The following VPS13C variants were observed in gnomAD, a reference collection of about 807,000 sequenced individuals.
VPS13C encodes the protein intermembrane lipid transfer protein VPS13C.
Under a neutral mutation model 456.8 loss-of-function variants are expected in VPS13C, and 358 were observed. The observed-to-expected ratio is 0.78, with a 90% CI of 0.72 to 0.86. The LOEUF (loss-of-function observed/expected upper bound fraction) is 0.86, where lower values mean the gene tolerates loss of function less well. Among genes scored for constraint, VPS13C ranks in the 40% least tolerant of loss-of-function variants. VPS13C has a pLI of 0.00. For synonymous variants in VPS13C, 1,578 were observed against 1,486.7 expected (o/e 1.06, Z -1.41); for missense variants, 4,818 against 4,385.4 (o/e 1.10, Z -2.79).
At chr15:62,043,063 C>A (rs932910983) in intron 2 of VPS13C, among the ~76,000 whole-genome samples, 2 of 151,674 alleles carry the variant, frequency 1.3e-5, no homozygotes, top group Non-Finnish European at 2.9e-5. Context: ...TTTATATTGT[C>A]ATAAATAGAG....
intron 9 of VPS13C, among the ~76,000 whole-genome samples, chr15:62,015,756 T>C (rs910017641): frequency 1.9e-5 from 2 of 106,512 alleles, no homozygotes; most frequent in African/African-American, 7.4e-5. Context: ...AAGGGGAATA[T>C]CACACTCTGG....
At chr15:61,970,018 A>G (rs531159916) in intron 27 of VPS13C, among the ~76,000 whole-genome samples, 1 of 152,274 alleles carries the variant, frequency 6.6e-6, no homozygotes, top group Non-Finnish European at 1.5e-5. Context: ...AAAGGAACTG[A>G]TACTATAAGG....
chr15:62,001,988 T>C (rs1233696648), intron 15 of VPS13C, among the ~76,000 whole-genome samples: 1 of 152,218 alleles, frequency 6.6e-6, no homozygotes, highest in African/African-American at 2.4e-5. Context: ...TATGTGTGCA[T>C]GTGTCTTTAT....
chr15:61,872,729 C>T (rs1351809054), intron 78 of VPS13C, among the ~76,000 whole-genome samples: 2 of 151,918 alleles, frequency 1.3e-5, no homozygotes, highest in African/African-American at 4.8e-5. Context: ...GTATTCTAGC[C>T]TTACTTATAA....
chr15:62,029,503 T>A (rs1248180191), intron 5 of VPS13C, among the ~76,000 whole-genome samples: 2 of 152,054 alleles, frequency 1.3e-5, no homozygotes, highest in Non-Finnish European at 2.9e-5. Context: ...ATCCTTTAAA[T>A]CCAGTTGAAA....
chr15:61,859,318 G>A (rs1050252692), intron 82 of VPS13C, among the ~76,000 whole-genome samples: 2 of 152,116 alleles, frequency 1.3e-5, no homozygotes, highest in South Asian at 2.1e-4. Flanking sequence ...AATCACGATC[G>A]AGCCACTGCA....
chr15:61,975,959 C>T (rs1186919722), intron 24 of VPS13C, among the ~76,000 whole-genome samples: 4 of 152,006 alleles, frequency 2.6e-5, no homozygotes, highest in African/African-American at 9.7e-5. Context: ...AGATATCCTG[C>T]AGATAGGACC....
intron 16 of VPS13C, among the ~76,000 whole-genome samples, chr15:61,996,900 T>C (rs1052564439): frequency 1.2e-4 from 18 of 149,906 alleles, no homozygotes; most frequent in Non-Finnish European, 2.2e-4. Flanking sequence ...CACACACATA[T>C]ATATATATTA....
chr15:61,956,214 T>C (rs145206983), intron 37 of VPS13C, among the ~76,000 whole-genome samples: 337 of 152,102 alleles, frequency 2.2e-3, no homozygotes, highest in Middle Eastern at 0.01. Context: ...CCTAAGTTAA[T>C]TAGCTCAGCA....
intron 36 of VPS13C, 105 bp from the exon 37 acceptor site, chr15:61,958,821 T>C (rs2045097134): frequency 1.3e-5 from 7 of 557,830 alleles, no homozygotes; most frequent in Non-Finnish European, 2.1e-5. Flanking sequence ...GACAGAATAA[T>C]CCTAACACTG....
At chr15:61,880,108 G>A (rs1201126198) in intron 73 of VPS13C, among the ~76,000 whole-genome samples, 2 of 151,944 alleles carry the variant, frequency 1.3e-5, no homozygotes, top group Non-Finnish European at 2.9e-5. Context: ...ACAACAAAAG[G>A]GAAAAAAGAA....
chr15:61,962,392 A>G lies in VPS13C; in HGVS notation c.3582T>C (p.His1194=). Residue 1194 remains histidine, a synonymous_variant, in exon 34 of 85, where the codon CAT becomes CAC. Transcript: ENST00000644861. ...NVGCIQIVYL[H]KFLMSLLNFL... ...TTACCAGAAGTGACATAAGGAATTTATGAAGATAGACAATCTGAATACAGC... is the reference window on the plus strand; with the variant it reads ...TTACCAGAAGTGACATAAGGAATTTGTGAAGATAGACAATCTGAATACAGC... 1 of 1,590,272 alleles carries G rather than the reference A, an allele frequency of 6.3e-7. No individual in the cohort carries two copies. Among genetic ancestry groups the G allele is most frequent in the South Asian group, 1.2e-5 (1 of 84,606 alleles).
Position 61,920,497 on chromosome 15 carries a change from CT to C in VPS13C, c.7212del (p.Gly2405ValfsTer14), listed in dbSNP as rs1254967697. The C allele has an allele frequency of 1.6e-5, 24 of 1,522,402 alleles. No homozygotes were observed. The highest frequency in any genetic ancestry group is 2.0e-5 in the Non-Finnish European group (23 of 1,135,568). The allele number at this position is 1,522,402 out of a possible 1,614,324, so 94.3% of individuals were successfully genotyped here. A position where few individuals can be genotyped will look rare whatever the true frequency, so the allele number is the denominator to read the frequency against. On this transcript the variant is annotated frameshift_variant and splice_region_variant, in exon 56 of 85. Transcript: ENST00000644861. LOFTEE classifies it high-confidence loss of function. ...ATATTCTAAGCAAGATTCAGACATA[CT>C]TTTGCTAAATTGTTGAAAACATTAA... is the stretch of plus-strand genomic sequence containing the variant. ...SCLNVFNNLAKGFSEGTASTF... is the reference protein window; with the variant it reads ...SCLNVFNNLAXGFSEGTASTF...
chr15:61,985,348 C>A (rs1472957467), intron 18 of VPS13C, among the ~76,000 whole-genome samples: 1 of 152,142 alleles, frequency 6.6e-6, no homozygotes, highest in Non-Finnish European at 1.5e-5. Context: ...CCTCCACCTC[C>A]TGGGTTCAAG....
chr15:61,999,633 T>C lies in VPS13C; in HGVS notation c.1353+931A>G, dbSNP rs184320209. ...TTTTGTTTTATTTATCTATATTTTC[T>C]AATTTTTCTACAATGAGTTACATTG... On this transcript the variant is annotated intron_variant, in intron 16 of 84. Coordinates refer to ENST00000644861, the MANE Select transcript of VPS13C (RefSeq NM_020821.3). Among the ~76,000 whole-genome samples the C allele has an allele frequency of 6.2e-4, 95 of 152,236 alleles. 1 individual carries two copies. The highest frequency in any genetic ancestry group is 5.9e-3 in the Admixed American group (90 of 15,272).
rs756524820 is a variant in VPS13C at position 61,922,731 on chromosome 15, G to T, written c.6641C>A (p.Thr2214Lys). 1 of 1,610,940 alleles carries T rather than the reference G, an allele frequency of 6.2e-7. No homozygotes were observed. Among genetic ancestry groups the T allele is most frequent in the Non-Finnish European group, 8.5e-7 (1 of 1,178,938 alleles). ...ISPIILNTVL[T>K]IMAALSPKTK... ...TTTTGGAGACAATGCAGCCATGATT[G>T]TCAACACAGTATTAAGAATTATGGG... Residue 2214 changes from threonine to lysine, a missense_variant, in exon 54 of 85, where the codon ACA (threonine) becomes AAA (lysine). Thr to Lys is a moderately conservative substitution (Grantham distance 78). Transcript: ENST00000644861.
At chr15:62,036,442 G>A (rs554250541) in intron 3 of VPS13C, among the ~76,000 whole-genome samples, 2 of 152,052 alleles carry the variant, frequency 1.3e-5, no homozygotes, top group Non-Finnish European at 2.9e-5. Flanking sequence ...TATTCCCAAG[G>A]TTAAAATATC....
intron 5 of VPS13C, 99 bp from the exon 6 acceptor site, chr15:62,028,519 A>G (rs1259979263): frequency 1.3e-5 from 16 of 1,199,402 alleles, no homozygotes; most frequent in Non-Finnish European, 1.9e-5. Context: ...TCATATAATT[A>G]GAAATCATGT....
intron 81 of VPS13C, chr15:61,868,067 C>G (rs1336036192): frequency 2.8e-6 from 2 of 713,896 alleles, no homozygotes; most frequent in Non-Finnish European, 4.7e-6. Flanking sequence ...ATTTTAAAGT[C>G]AAGGTAGAAA....
Sources: gnomAD v4.1 joint callset for allele counts (sites outside exome capture counted in the v4.1 genomes callset) on GRCh38, gnomAD v4.1.1 for gene constraint, MANE v1.5 for transcripts, NCBI Gene and HGNC (gene_info 2026-07-23, HGNC 2026-07-21) for gene names.